ANKRD42: variants seen among roughly 807,000 people sequenced by gnomAD.
The protein encoded by ANKRD42 is ankyrin repeat domain-containing protein 42.
In ANKRD42, 43 loss-of-function variants were observed where a neutral mutation model predicts 51.5. That is an observed-to-expected ratio of 0.83 (90% CI 0.65 to 1.08). The LOEUF is 1.08. Ranked by LOEUF, ANKRD42 falls within the 50% of genes least tolerant of loss-of-function variation. ANKRD42 has a pLI of 0.00. For synonymous variants in ANKRD42, 203 were observed against 213.0 expected (o/e 0.95, Z 0.41); for missense variants, 608 against 629.3 (o/e 0.97, Z 0.36).
chr11:83,204,600 C>T (rs1162015259), intron 2 of ANKRD42, among the ~76,000 whole-genome samples: 2 of 151,364 alleles, frequency 1.3e-5, no homozygotes, highest in South Asian at 2.1e-4. Flanking sequence ...ATCCATGAAA[C>T]GAACGAACTT....
At chr11:83,240,332 A>G (rs765165211) in intron 8 of ANKRD42, among the ~76,000 whole-genome samples, 1 of 152,196 alleles carries the variant, frequency 6.6e-6, no homozygotes, top group Non-Finnish European at 1.5e-5. Context: ...GGCTAGAGCT[A>G]TATTAATAGT....
chr11:83,226,377 A>G (rs1862886476), intron 6 of ANKRD42, among the ~76,000 whole-genome samples: 1 of 152,214 alleles, frequency 6.6e-6, no homozygotes, highest in Admixed American at 6.5e-5. Context: ...ACTTGTAAGG[A>G]TTGCATTGTT....
At chr11:83,243,205 T>G (rs1863444404) in intron 9 of ANKRD42, among the ~76,000 whole-genome samples, 1 of 152,178 alleles carries the variant, frequency 6.6e-6, no homozygotes, top group Non-Finnish European at 1.5e-5. Context: ...TGGTTTTGAT[T>G]TGCATTTCTC....
intron 9 of ANKRD42, among the ~76,000 whole-genome samples, chr11:83,242,567 G>GTTTTTTTTTTTGT (rs780641298): frequency 8.7e-6 from 1 of 115,546 alleles, no homozygotes; most frequent in African/African-American, 3.5e-5. Context: ...TGGTAGTTAA[G>GTTTTTTTTTTTGT]TTTTTTTTTT....
At chr11:83,222,254 C>T (rs367736037) in intron 5 of ANKRD42, among the ~76,000 whole-genome samples, 1 of 152,092 alleles carries the variant, frequency 6.6e-6, no homozygotes, top group Non-Finnish European at 1.5e-5. Context: ...TCTTCAGGGC[C>T]ATTTTGGAAC....
chr11:83,244,245 T>C (rs1014339248), intron 9 of ANKRD42, among the ~76,000 whole-genome samples: 1 of 152,126 alleles, frequency 6.6e-6, no homozygotes, highest in African/African-American at 2.4e-5. Context: ...CCTCCCAAAG[T>C]GCTGGGGTTA....
At chr11:83,236,313 T>C (rs1863219733) in intron 7 of ANKRD42, 91 bp from the exon 8 acceptor site, 1 of 927,326 alleles carries the variant, frequency 1.1e-6, no homozygotes. Flanking sequence ...CTAAGTACTC[T>C]ATAATGGTAC....
intron 3 of ANKRD42, 61 bp downstream of exon 3, chr11:83,206,226 G>A (rs1590967258): frequency 2.3e-6 from 3 of 1,308,522 alleles, no homozygotes; most frequent in East Asian, 4.7e-5. Flanking sequence ...TTGGGATATT[G>A]CTATTATTCT....
intron 1 of ANKRD42, among the ~76,000 whole-genome samples, chr11:83,197,990 A>G (rs1462871136): frequency 6.6e-6 from 1 of 152,164 alleles, no homozygotes; most frequent in Non-Finnish European, 1.5e-5. Context: ...GCTTTTCACA[A>G]TGGTAACCTG....
intron 8 of ANKRD42, among the ~76,000 whole-genome samples, chr11:83,238,874 C>T (rs1047558404): frequency 2.7e-5 from 4 of 150,890 alleles, no homozygotes; most frequent in African/African-American, 9.7e-5. Context: ...GGTGTGGTGG[C>T]GTGCACCTGT....
In ANKRD42 at chr11:83,194,450, C is replaced by A. The variant is rs747553192; in HGVS notation, c.-221C>A. ...TCTGGTGTGAGCGGCAGTGAAGACG[C>A]CAGCTACCGCTTCAGTGGCTTTTGG... On this transcript the variant is annotated 5_prime_UTR_variant, in exon 1 of 11. Transcript: ENST00000533342. The A allele has an allele frequency of 4.3e-6, 3 of 697,366 alleles. No homozygotes were observed. The highest frequency in any genetic ancestry group is 2.0e-5 in the Admixed American group (1 of 49,720). 43.2% of individuals were successfully genotyped at this position (697,366 alleles called of 1,614,324 possible).
chr11:83,247,057 A>C (rs1863561785), intron 10 of ANKRD42, among the ~76,000 whole-genome samples: 1 of 152,008 alleles, frequency 6.6e-6, no homozygotes, highest in Non-Finnish European at 1.5e-5. Context: ...GTATCTCACA[A>C]ATCATATCAT....
intron 8 of ANKRD42, among the ~76,000 whole-genome samples, chr11:83,238,372 G>A (rs777863120): frequency 1.2e-4 from 18 of 152,198 alleles, no homozygotes; most frequent in African/African-American, 2.7e-4. Context: ...AGAAACTGCC[G>A]AAGTGCCTTC....
At position 83,193,924 on chromosome 11, in the gene ANKRD42, A is replaced by G. The variant is rs956392372; in HGVS notation, c.-747A>G. On this transcript the variant is annotated 5_prime_UTR_variant, in exon 1 of 11. Coordinates refer to ENST00000533342, the MANE Select transcript of ANKRD42 (RefSeq NM_001300975.2). Reference sequence around the variant, plus strand: ...CCATTCCGGCGCCGAGTCTAGGGAAAGAGTTAGCGACGACGGGGAAAGAAA... The same window carrying G: ...CCATTCCGGCGCCGAGTCTAGGGAAGGAGTTAGCGACGACGGGGAAAGAAA... 3 of 455,350 alleles carry G rather than the reference A, an allele frequency of 6.6e-6. No individual in the cohort carries two copies. The highest frequency in any genetic ancestry group is 6.0e-5 in the African/African-American group (3 of 50,030). The allele number at this position is 455,350 out of a possible 1,614,324, so 28.2% of individuals were successfully genotyped here. A position where few individuals can be genotyped will look rare whatever the true frequency, so the allele number is the denominator to read the frequency against.
At chr11:83,200,699 A>T (rs1861834926) in intron 2 of ANKRD42, among the ~76,000 whole-genome samples, 1 of 152,068 alleles carries the variant, frequency 6.6e-6, no homozygotes, top group Admixed American at 6.5e-5. Context: ...AATTAATTTT[A>T]TTTTTTTGTG....
intron 7 of ANKRD42, among the ~76,000 whole-genome samples, chr11:83,232,523 AT>A (rs2135539572): frequency 6.6e-6 from 1 of 152,250 alleles, no homozygotes; most frequent in Non-Finnish European, 1.5e-5. Flanking sequence ...CAAATATAAG[AT>A]TATATAATTT....
chr11:83,253,068 C>A (rs1050869881), downstream of ANKRD42, among the ~76,000 whole-genome samples: 1 of 152,148 alleles, frequency 6.6e-6, no homozygotes, highest in Admixed American at 6.5e-5. Flanking sequence ...TTCCATGTTT[C>A]ACTTAACCTT....
chr11:83,227,752 G>T lies in ANKRD42; in HGVS notation c.793G>T (p.Ala265Ser). ...CTGAATTTTTTTATTCATAGCTTTAGCATTTCCAGGTCATGTGGCTGCCTT... is the reference window on the plus strand; with the variant it reads ...CTGAATTTTTTTATTCATAGCTTTATCATTTCCAGGTCATGTGGCTGCCTT... ...GKDLEDQETLAFPGHVAAFKG... is the reference protein window; with the variant it reads ...GKDLEDQETLSFPGHVAAFKG... Residue 265 changes from alanine (A) to serine (S), a missense_variant, in exon 7 of 11, where the codon GCA (alanine) becomes TCA (serine). Physicochemically the swap from Ala to Ser is moderately conservative, Grantham distance 99. Coordinates refer to ENST00000533342, the MANE Select transcript of ANKRD42 (RefSeq NM_001300975.2). The T allele has an allele frequency of 6.2e-7, 1 of 1,607,842 alleles. No homozygotes were observed. Among genetic ancestry groups the T allele is most frequent in the South Asian group, 1.1e-5 (1 of 89,560 alleles).
At chr11:83,263,285 C>CT (rs1316631101), downstream of ANKRD42, among the ~76,000 whole-genome samples, 1 of 152,156 alleles carries the variant, frequency 6.6e-6, no homozygotes, top group African/African-American at 2.4e-5. Flanking sequence ...GAAGTATACT[C>CT]TACTTCAGTA....
Sources: gnomAD v4.1 joint callset for allele counts (sites outside exome capture counted in the v4.1 genomes callset) on GRCh38, gnomAD v4.1.1 for gene constraint, MANE v1.5 for transcripts, NCBI Gene and HGNC (gene_info 2026-07-23, HGNC 2026-07-21) for gene names.